NID1: variants seen among roughly 807,000 people sequenced by gnomAD.
NID1 encodes nidogen 1.
A neutral mutation model predicts 130.6 loss-of-function variants in NID1; 76 were observed. That is an observed-to-expected ratio of 0.58 (90% CI 0.48 to 0.70). The LOEUF (loss-of-function observed/expected upper bound fraction) is 0.70. Ranked by LOEUF, NID1 falls within the 30% of genes least tolerant of loss-of-function variation. The pLI is 0.00. For synonymous variants in NID1, 665 were observed against 675.1 expected (o/e 0.98, Z 0.23); for missense variants, 1,517 against 1,664.8 (o/e 0.91, Z 1.54).
At chr1:236,025,418 T>C (rs1658898642) in intron 8 of NID1, among the ~76,000 whole-genome samples, 1 of 151,746 alleles carries the variant, frequency 6.6e-6, no homozygotes, top group Non-Finnish European at 1.5e-5. Context: ...CGTGCCATCA[T>C]GCCTGGCTAA....
At chr1:235,986,399 T>C (rs115206937) in intron 14 of NID1, among the ~76,000 whole-genome samples, 1,497 of 149,646 alleles carry the variant, frequency 0.01, 17 homozygotes, top group Middle Eastern at 0.035. Context: ...ACTAGCAAAA[T>C]ATAGAAAATA....
intron 5 of NID1, among the ~76,000 whole-genome samples, chr1:236,037,531 A>T (rs545203191): frequency 1.3e-5 from 2 of 152,208 alleles, no homozygotes; most frequent in East Asian, 3.9e-4. Context: ...GGTGGCGCAC[A>T]TCTGTAATTC....
chr1:236,044,418 A>G (rs1558446423), intron 3 of NID1, among the ~76,000 whole-genome samples: 2 of 152,130 alleles, frequency 1.3e-5, no homozygotes, highest in South Asian at 4.1e-4. Flanking sequence ...TATTAAACCT[A>G]TTTTATCTTT....
chr1:235,992,691 G>C (rs916770603), intron 13 of NID1, among the ~76,000 whole-genome samples: 1 of 152,080 alleles, frequency 6.6e-6, no homozygotes, highest in Non-Finnish European at 1.5e-5. Flanking sequence ...CTTTCCTCTG[G>C]GCATCCTAGC....
rs1415355413 is a variant in NID1 at position 236,017,228 on chromosome 1, G to A, written c.2174C>T (p.Thr725Ile). ...GGTTCCTGGGTGATTATTGCAGATT[G>A]TGTGGCTCCCACACACTGAGGGTTG... ...SEQPSVCGSHTICNNHPGTFR... is the reference protein window; with the variant it reads ...SEQPSVCGSHIICNNHPGTFR... Residue 725 changes from threonine to isoleucine, a missense_variant, in exon 10 of 20, where the codon ACA (threonine) becomes ATA (isoleucine). Physicochemically the swap from Thr to Ile is moderately conservative, Grantham distance 89 (BLOSUM62 -1). This residue lies in a region of NID1 where 1,329 missense variants were observed against 1,429.2 expected (regional missense o/e 0.93). Transcript: ENST00000264187. 2 of 1,614,148 alleles carry A rather than the reference G, an allele frequency of 1.2e-6. No homozygotes were observed. Among genetic ancestry groups the A allele is most frequent in the Admixed American group, 3.3e-5 (2 of 60,018 alleles).
intron 2 of NID1, among the ~76,000 whole-genome samples, chr1:236,047,272 G>A (rs1430876553): frequency 6.6e-6 from 1 of 152,132 alleles, no homozygotes; most frequent in Non-Finnish European, 1.5e-5. Context: ...GTATCTTGTA[G>A]GACTGGTGTT....
At chr1:236,038,672 T>G (rs1458043841) in intron 4 of NID1, among the ~76,000 whole-genome samples, 2 of 134,064 alleles carry the variant, frequency 1.5e-5, no homozygotes, top group Non-Finnish European at 3.1e-5. Context: ...ATATAATATA[T>G]ATTACCTATG....
At chr1:236,018,728 A>C (rs1366864729) in intron 9 of NID1, among the ~76,000 whole-genome samples, 2 of 152,218 alleles carry the variant, frequency 1.3e-5, no homozygotes, top group African/African-American at 4.8e-5. Flanking sequence ...CGTGAGCCAC[A>C]GCCCCTAGCC....
intron 12 of NID1, among the ~76,000 whole-genome samples, chr1:236,010,856 C>G (rs1433019812): frequency 6.6e-6 from 1 of 152,208 alleles, no homozygotes; most frequent in African/African-American, 2.4e-5. Flanking sequence ...CTGATATTTT[C>G]TCTTTTTTGA....
chr1:236,064,314 G>A (rs754931211), intron 1 of NID1, among the ~76,000 whole-genome samples: 1 of 152,190 alleles, frequency 6.6e-6, no homozygotes, highest in East Asian at 1.9e-4. Flanking sequence ...ACTCTGAAAC[G>A]AGCCCAACTG....
Position 236,014,493 on chromosome 1 carries a change from C to T in NID1, c.2255-933G>A, listed in dbSNP as rs144543611. Among the ~76,000 whole-genome samples the T allele has an allele frequency of 3.7e-3, 560 of 152,214 alleles. 1 individual carries two copies. Among genetic ancestry groups the T allele is most frequent in the Middle Eastern group, 0.01 (3 of 294 alleles). On this transcript the variant is annotated intron_variant, in intron 10 of 19. Coordinates refer to ENST00000264187, the MANE Select transcript of NID1 (RefSeq NM_002508.3). ...ACCAGCTGAAAATCACCCTGTAGAC[C>T]TCAACCTTTGCCTTCCATCTTGAGG...
chr1:236,063,504 A>AAAGT (rs1660104311), intron 1 of NID1, among the ~76,000 whole-genome samples: 1 of 151,792 alleles, frequency 6.6e-6, no homozygotes, highest in African/African-American at 2.4e-5. Context: ...ATAAATAAAT[A>AAAGT]AAGTAAGCAT....
rs747489214 is a variant in NID1, at chr1:235,979,908, G to A, written c.3423C>T (p.Pro1141=). The change falls in exon 18 of 20, where the codon CCC becomes CCT. Residue 1141 remains proline (P), a synonymous_variant. Transcript: ENST00000264187. This position sits in a 1 kb window ranked among gnomAD's most constrained non-coding sequence, Gnocchi z 4.6. ...NRAECLNPSQ[P]SRRKALEGLQ... ...GCCCTTCGAGAGCCTTGCGTCTGCT[G>A]GGCTGACTGGGGTTCAGGCATTCCG... 8 of 1,613,900 alleles carry A rather than the reference G, an allele frequency of 5.0e-6. No homozygotes were observed. The highest frequency in any genetic ancestry group is 1.6e-4 in the Middle Eastern group (1 of 6,082).
intron 1 of NID1, 21 bp downstream of exon 1, chr1:236,064,834 G>A: frequency 1.9e-6 from 3 of 1,599,322 alleles, no homozygotes; most frequent in East Asian, 2.3e-5. Flanking sequence ...CCCCTCGCCC[G>A]CCCTCCCGGG....
At position 236,013,672 on chromosome 1, in the gene NID1, C is replaced by A. The variant is rs1658500198; in HGVS notation, c.2255-112G>T. 7 of 1,238,040 alleles carry A rather than the reference C, an allele frequency of 5.7e-6. No individual in the cohort carries two copies. In the South Asian group the frequency reaches 6.9e-5, roughly 12 times the overall value. The allele number at this position is 1,238,040 out of a possible 1,614,324, so 76.7% of individuals were successfully genotyped here. ...CATGCCTGGACCCTAGACCTCTAGG[C>A]ATGTCCACAGCTTCACCTGCACCCC... On this transcript the variant is annotated intron_variant, in intron 10 of 19. Transcript: ENST00000264187.
intron 2 of NID1, among the ~76,000 whole-genome samples, chr1:236,047,085 T>C (rs1659624334): frequency 6.6e-6 from 1 of 152,186 alleles, no homozygotes; most frequent in African/African-American, 2.4e-5. Context: ...CACTCCAGCC[T>C]GGGTGACAGA....
chr1:236,017,680 A>C (rs1377540531), intron 9 of NID1, among the ~76,000 whole-genome samples: 2 of 152,150 alleles, frequency 1.3e-5, no homozygotes, highest in Non-Finnish European at 2.9e-5. Flanking sequence ...CACCGCCCCT[A>C]GCCTAAAATA....
rs16833032 is a variant in NID1 at position 235,979,844 on chromosome 1, G to C, written c.3487C>G (p.Leu1163Val). The change falls in exon 18 of 20, where the codon CTG becomes GTG. Residue 1163 changes from leucine (L) to valine (V), a missense_variant. Physicochemically the swap from Leu to Val is conservative, Grantham distance 32. Coordinates refer to ENST00000264187, the MANE Select transcript of NID1 (RefSeq NM_002508.3). The surrounding 1 kb of genome is among the most constrained non-coding windows in gnomAD (Gnocchi z 4.6). ...PFAVTSYGKN[L>V]YFTDWKMNSV... Reference sequence around the variant, plus strand: ...TACATCTTCCAGTCTGTGAAATACAGATTCTTCCCGTAGCTCGTCACAGCA... The same window carrying C: ...TACATCTTCCAGTCTGTGAAATACACATTCTTCCCGTAGCTCGTCACAGCA... The C allele has an allele frequency of 1.4e-3, 2,324 of 1,614,066 alleles. 50 individuals are homozygous for C. The Admixed American group carries it at 0.035, about 24-fold the overall frequency.
intron 9 of NID1, among the ~76,000 whole-genome samples, chr1:236,017,701 G>A (rs2102820440): frequency 6.6e-6 from 1 of 152,238 alleles, no homozygotes; most frequent in East Asian, 1.9e-4. Context: ...AATTTTCTAT[G>A]TATCAAAAGT....
Sources: allele counts gnomAD v4.1 joint callset (sites outside exome capture counted in the v4.1 genomes callset), GRCh38; gene constraint gnomAD v4.1.1; regional missense constraint gnomAD v4.1.1; non-coding constraint Gnocchi (gnomAD v3.1); transcripts MANE v1.5; gene names NCBI Gene and HGNC (gene_info 2026-07-23, HGNC 2026-07-21).